The following RNF144A variants were observed in gnomAD, a reference collection of about 807,000 sequenced individuals.
RNF144A encodes ring finger protein 144A.
Under a neutral mutation model 38.7 loss-of-function variants are expected in RNF144A, and 11 were observed. The observed-to-expected ratio is 0.28, with a 90% CI of 0.18 to 0.47. The LOEUF is 0.47. RNF144A is among the 20% of genes least tolerant of loss of function. The pLI is 0.99. For synonymous variants in RNF144A, 149 were observed against 143.9 expected (o/e 1.04, Z -0.25); for missense variants, 316 against 377.2 (o/e 0.84, Z 1.34).
chr2:7,012,445 G>A (rs1670880211), intron 3 of RNF144A, among the ~76,000 whole-genome samples: 1 of 152,146 alleles, frequency 6.6e-6, no homozygotes, highest in African/African-American at 2.4e-5. Context: ...TGTCAAGGGA[G>A]CTGTTGCTCA....
chr2:6,985,518 G>A (rs1415200959), intron 2 of RNF144A, among the ~76,000 whole-genome samples: 1 of 152,134 alleles, frequency 6.6e-6, no homozygotes, highest in African/African-American at 2.4e-5. Context: ...ATAAGGGATG[G>A]AGGAACCTCT....
intron 2 of RNF144A, among the ~76,000 whole-genome samples, chr2:6,964,087 CA>C (rs1477481197): frequency 6.6e-6 from 1 of 151,790 alleles, no homozygotes; most frequent in Non-Finnish European, 1.5e-5. Flanking sequence ...AAACAGAAAA[CA>C]AAAAAACACA....
chr2:6,972,957 C>T (rs1214113204), intron 2 of RNF144A, among the ~76,000 whole-genome samples: 1 of 152,218 alleles, frequency 6.6e-6, no homozygotes, highest in Non-Finnish European at 1.5e-5. Context: ...GAGTAGGATT[C>T]TGGAGCCAGG....
chr2:7,060,967 C>T (rs1221874407), intron 6 of RNF144A, among the ~76,000 whole-genome samples: 2 of 152,042 alleles, frequency 1.3e-5, no homozygotes, highest in East Asian at 3.9e-4. Context: ...GTTTGTTTTT[C>T]CTAGTTTCTA....
rs758799271 is a variant in RNF144A at position 6,997,034 on chromosome 2, C to G, written c.108C>G (p.Ala36=). Residue 36 remains alanine, a synonymous_variant, in exon 3 of 9, where the codon GCC becomes GCG. Coordinates refer to ENST00000320892, the MANE Select transcript of RNF144A (RefSeq NM_014746.6). ...CAGTGGAGCAGATGACAACCATAGC[C>G]CAGTGCCAATGCATCTTCTGTACTC... ...EYPVEQMTTI[A]QCQCIFCTLC... 2.2e-5 allele frequency: 35 copies of G among 1,614,060 alleles called. No homozygotes were observed. The Admixed American group carries it at 5.5e-4, about 25-fold the overall frequency.
intron 7 of RNF144A, among the ~76,000 whole-genome samples, chr2:7,024,742 A>C (rs1231759036): frequency 6.6e-6 from 1 of 152,196 alleles, no homozygotes; most frequent in Non-Finnish European, 1.5e-5. Flanking sequence ...TAAACACTTC[A>C]TGCAGGTTCA....
chr2:7,048,546 C>A (rs1340959655), downstream of RNF144A, among the ~76,000 whole-genome samples: 2 of 152,116 alleles, frequency 1.3e-5, no homozygotes, highest in Non-Finnish European at 2.9e-5. Flanking sequence ...CCCAAAGCCA[C>A]GTGAAGGTCA....
chr2:6,993,662 G>A (rs887629470), intron 2 of RNF144A, among the ~76,000 whole-genome samples: 1 of 152,144 alleles, frequency 6.6e-6, no homozygotes, highest in Non-Finnish European at 1.5e-5. Flanking sequence ...CAGGCTGGGA[G>A]CATAGTGCAT....
At chr2:7,058,484 A>ACTCT (rs1673829037) in intron 6 of RNF144A, among the ~76,000 whole-genome samples, 2 of 152,176 alleles carry the variant, frequency 1.3e-5, no homozygotes, top group South Asian at 4.2e-4. Flanking sequence ...GTGGCCATCA[A>ACTCT]CTCTCCATCT....
At chr2:6,926,481 T>C (rs949518793) in intron 1 of RNF144A, among the ~76,000 whole-genome samples, 1 of 152,208 alleles carries the variant, frequency 6.6e-6, no homozygotes, top group Non-Finnish European at 1.5e-5. Flanking sequence ...TCTTACCTGC[T>C]CTTCCTGGCA....
intron 6 of RNF144A, among the ~76,000 whole-genome samples, chr2:7,061,101 AC>A (rs1673935925): frequency 6.6e-6 from 1 of 152,052 alleles, no homozygotes; most frequent in African/African-American, 2.4e-5. Context: ...TACTCTGCTC[AC>A]CCCTGACATT....
chr2:6,918,875 C>T (rs1664348281), intron 1 of RNF144A, among the ~76,000 whole-genome samples: 1 of 151,782 alleles, frequency 6.6e-6, no homozygotes, highest in Admixed American at 6.6e-5. Context: ...AGGGAACTAT[C>T]CCCAGTGGAT....
chr2:6,992,251 G>A (rs1257032688), intron 2 of RNF144A, among the ~76,000 whole-genome samples: 1 of 152,218 alleles, frequency 6.6e-6, no homozygotes, highest in Non-Finnish European at 1.5e-5. Flanking sequence ...ACAGATCACT[G>A]TGCCGCCCCA....
chr2:7,068,484 A>G (rs1674324350), downstream of RNF144A, among the ~76,000 whole-genome samples: 1 of 152,234 alleles, frequency 6.6e-6, no homozygotes, highest in South Asian at 2.1e-4. Context: ...AACAATAAGC[A>G]GAAGAAGCAG....
intron 1 of RNF144A, chr2:6,918,396 C>CT (rs1664284174): frequency 6.6e-6 from 1 of 152,504 alleles, no homozygotes; most frequent in Admixed American, 6.5e-5. Context: ...GGGGTGACTT[C>CT]TTTACCCTAA....
At chr2:7,029,712 G>A (rs993588751) in intron 7 of RNF144A, among the ~76,000 whole-genome samples, 4 of 152,248 alleles carry the variant, frequency 2.6e-5, no homozygotes, top group African/African-American at 9.6e-5. Context: ...GGACTCTGGT[G>A]GAGTCACACA....
intron 2 of RNF144A, among the ~76,000 whole-genome samples, chr2:6,969,291 T>C (rs1239587409): frequency 6.6e-6 from 1 of 152,172 alleles, no homozygotes; most frequent in Non-Finnish European, 1.5e-5. Context: ...TAATCAAGTT[T>C]AAATTAGGTC....
chr2:7,063,832 A>T (rs1674075269), intron 6 of RNF144A, among the ~76,000 whole-genome samples: 2 of 152,248 alleles, frequency 1.3e-5, no homozygotes, highest in Non-Finnish European at 2.9e-5. Flanking sequence ...AGTGGTGTTG[A>T]CAAATTATGC....
At chr2:7,048,812 C>T (rs1308112648), downstream of RNF144A, among the ~76,000 whole-genome samples, 2 of 152,218 alleles carry the variant, frequency 1.3e-5, no homozygotes, top group Admixed American at 1.3e-4. Flanking sequence ...GAAGTCTACT[C>T]AACCTTCTGG....
Sources: allele counts gnomAD v4.1 joint callset (sites outside exome capture counted in the v4.1 genomes callset), GRCh38; gene constraint gnomAD v4.1.1; transcripts MANE v1.5; gene names NCBI Gene and HGNC (gene_info 2026-07-23, HGNC 2026-07-21).